HSPB8: variants seen among roughly 807,000 people sequenced by gnomAD.
The protein encoded by HSPB8 is heat shock protein beta-8.
In HSPB8, 9 loss-of-function variants were observed where a neutral mutation model predicts 16.5. The observed-to-expected ratio is 0.55, with a 90% confidence interval of 0.33 to 0.95. HSPB8 has a LOEUF of 0.95. HSPB8 is among the 40% of genes least tolerant of loss of function. HSPB8 has a pLI of 0.03. For synonymous variants in HSPB8, 99 were observed against 94.8 expected, an observed-to-expected ratio of 1.04 and a Z score of -0.26; for missense variants, 238 against 251.2, an observed-to-expected ratio of 0.95 and a Z score of 0.35.
In HSPB8 at chr12:119,187,060, G is replaced by A. The variant is rs917644809; in HGVS notation, c.403G>A (p.Val135Ile). The A allele has an allele frequency of 1.9e-6, 3 of 1,614,092 alleles. No individual in the cohort carries two copies. Among genetic ancestry groups the A allele is most frequent in the East Asian group, 2.2e-5 (1 of 44,880 alleles). ...HEEKQQEGGI[V>I]SKNFTKKIQL... ...AGAGAAACAGCAAGAAGGTGGCATT[G>A]TTTCTAAGAACTTCACAAAGAAAAT... The change falls in exon 2 of 3, where the codon GTT becomes ATT. Residue 135 changes from valine (V) to isoleucine (I), a missense_variant. Physicochemically the swap from Val to Ile is conservative, Grantham distance 29. Transcript: ENST00000281938.
intron 2 of HSPB8, among the ~76,000 whole-genome samples, chr12:119,192,163 C>T (rs1228831831): frequency 6.6e-6 from 1 of 152,186 alleles, no homozygotes; most frequent in African/African-American, 2.4e-5. Context: ...ATCCAAAAAT[C>T]ATAAAAATAC....
intron 1 of HSPB8, chr12:119,186,678 G>A (rs1420232343): frequency 9.0e-6 from 3 of 334,158 alleles, no homozygotes; most frequent in East Asian, 7.2e-5. Context: ...TAGAGAAGAG[G>A]AGTCAGGTGG....
intron 1 of HSPB8, among the ~76,000 whole-genome samples, chr12:119,184,516 C>T (rs1373904452): frequency 6.6e-6 from 1 of 152,188 alleles, no homozygotes; most frequent in Admixed American, 6.5e-5. Flanking sequence ...AGACAGTGCT[C>T]TTCTGGGCAC....
chr12:119,187,056 C>T lies in HSPB8; in HGVS notation c.399C>T (p.Gly133=), dbSNP rs1269832943. The change falls in exon 2 of 3, where the codon GGC becomes GGT. Residue 133 remains glycine (G), a synonymous_variant. Transcript: ENST00000281938. The stretch of plus-strand genomic sequence containing the variant: ...ATGAAGAGAAACAGCAAGAAGGTGG[C>T]ATTGTTTCTAAGAACTTCACAAAGA... ...GKHEEKQQEG[G]IVSKNFTKKI... is the part of the protein sequence containing the mutation. 3 of 1,613,972 alleles carry T rather than the reference C, an allele frequency of 1.9e-6. No homozygotes were observed. The highest frequency in any genetic ancestry group is 2.2e-5 in the East Asian group (1 of 44,894).
At chr12:119,191,172 G>T (rs1954709785) in intron 2 of HSPB8, among the ~76,000 whole-genome samples, 1 of 152,186 alleles carries the variant, frequency 6.6e-6, no homozygotes, top group South Asian at 2.1e-4. Flanking sequence ...TCCACCCTAA[G>T]AGGTGGGTAC....
chr12:119,193,117 G>A (rs368920969), intron 2 of HSPB8, among the ~76,000 whole-genome samples: 5 of 152,162 alleles, frequency 3.3e-5, no homozygotes, highest in African/African-American at 7.2e-5. Flanking sequence ...GAATACCATC[G>A]AGTATGTTGC....
At position 119,179,459 on chromosome 12, in the gene HSPB8, C is replaced by G. The variant is rs371236491; in HGVS notation, c.147C>G (p.Pro49=). Residue 49 remains proline, a synonymous_variant, in exon 1 of 3, where the codon CCC becomes CCG. Transcript: ENST00000281938. ...CAGACGACTTGACAGCCTCTTGGCC[C>G]GACTGGGCTCTGCCTCGTCTCTCCT... ...PFPDDLTASW[P]DWALPRLSSA... is the part of the protein sequence containing the mutation. 1.9e-6 allele frequency: 3 copies of G among 1,614,056 alleles called. No homozygotes were observed. In the East Asian group the frequency reaches 6.7e-5, roughly 36 times the overall value.
intron 1 of HSPB8, among the ~76,000 whole-genome samples, chr12:119,184,119 C>G (rs1005552909): frequency 2.0e-5 from 3 of 152,188 alleles, no homozygotes; most frequent in African/African-American, 7.2e-5. Context: ...ATTCCAGAAC[C>G]TGTCTGCCTG....
chr12:119,181,291 G>A (rs939465880), intron 1 of HSPB8, among the ~76,000 whole-genome samples: 3 of 152,144 alleles, frequency 2.0e-5, no homozygotes, highest in African/African-American at 7.2e-5. Flanking sequence ...ATTTTAGAGA[G>A]ACATGAGACA....
chr12:119,188,164 T>A (rs1032538653), intron 2 of HSPB8, among the ~76,000 whole-genome samples: 1 of 151,862 alleles, frequency 6.6e-6, no homozygotes, highest in Non-Finnish European at 1.5e-5. Context: ...AGGTGCTTCA[T>A]ACATACCTTC....
intron 1 of HSPB8, among the ~76,000 whole-genome samples, chr12:119,184,145 A>C (rs927631607): frequency 6.6e-6 from 1 of 152,178 alleles, no homozygotes; most frequent in Non-Finnish European, 1.5e-5. Context: ...GAATCTTTGC[A>C]CCAGTCACTT....
intron 2 of HSPB8, among the ~76,000 whole-genome samples, chr12:119,189,656 T>C (rs1423061499): frequency 1.3e-5 from 2 of 152,126 alleles, no homozygotes; most frequent in Non-Finnish European, 2.9e-5. Context: ...CCACTGCTGA[T>C]CTGACAGGAG....
chr12:119,179,194 A>T lies in HSPB8; in HGVS notation c.-119A>T. 1 of 1,057,898 alleles carries T rather than the reference A, an allele frequency of 9.5e-7. No homozygotes were observed. Among genetic ancestry groups the T allele is most frequent in the Non-Finnish European group, 1.4e-6 (1 of 699,498 alleles). 65.5% of individuals were successfully genotyped at this position (1,057,898 alleles called of 1,614,324 possible). The stretch of plus-strand genomic sequence containing the variant: ...TTGGTTCTGCTTCTCCCTGCAGAAA[A>T]GCAGCATTTTCGGAAGCTGAAGAAT... On this transcript the variant is annotated 5_prime_UTR_variant, in exon 1 of 3. The change creates a new upstream start codon in the 5' untranslated region. Coordinates refer to ENST00000281938, the MANE Select transcript of HSPB8 (RefSeq NM_014365.3).
At chr12:119,186,382 A>C (rs1398293864) in intron 1 of HSPB8, among the ~76,000 whole-genome samples, 1 of 152,202 alleles carries the variant, frequency 6.6e-6, no homozygotes. Context: ...GAACAGACAG[A>C]AATTCAAGAG....
chr12:119,192,689 T>C (rs934853462), intron 2 of HSPB8, among the ~76,000 whole-genome samples: 1 of 151,976 alleles, frequency 6.6e-6, no homozygotes, highest in Non-Finnish European at 1.5e-5. Context: ...ATAATAATGA[T>C]CTGCTAAGTG....
chr12:119,185,135 T>A (rs193248667), intron 1 of HSPB8, among the ~76,000 whole-genome samples: 116 of 151,926 alleles, frequency 7.6e-4, no homozygotes, highest in South Asian at 1.5e-3. Context: ...CTTTTTTTTT[T>A]AATTTTTTCT....
At chr12:119,182,358 G>C (rs1954644114) in intron 1 of HSPB8, among the ~76,000 whole-genome samples, 1 of 152,182 alleles carries the variant, frequency 6.6e-6, no homozygotes, top group African/African-American at 2.4e-5. Context: ...CAACTTTCGG[G>C]CCGGGTGCGG....
In HSPB8 at chr12:119,193,882, G is replaced by C. The variant is rs750032663; in HGVS notation, c.*24G>C. On this transcript the variant is annotated 3_prime_UTR_variant, in exon 3 of 3. Transcript: ENST00000281938. ...GAGATGCCAGTACTGGCCCATCCTTGTTTTGTCCCCAACCCTAGGGCTTCT... is the reference window on the plus strand; with the variant it reads ...GAGATGCCAGTACTGGCCCATCCTTCTTTTGTCCCCAACCCTAGGGCTTCT... 1 of 1,613,292 alleles carries C rather than the reference G, an allele frequency of 6.2e-7. No individual in the cohort carries two copies. The highest frequency in any genetic ancestry group is 1.7e-5 in the Admixed American group (1 of 60,018).
rs1363010117 is a variant in HSPB8 at position 119,179,388 on chromosome 12, C to T, written c.76C>T (p.Leu26Phe). The change falls in exon 1 of 3, where the codon CTC becomes TTC. Residue 26 changes from leucine (L) to phenylalanine (F), a missense_variant. Leu to Phe is a conservative substitution (Grantham distance 22). Transcript: ENST00000281938. The stretch of plus-strand genomic sequence containing the variant: ...CCGAGACCCCTTCCGGGACTCTCCC[C>T]TCTCCTCTCGCCTGCTGGATGATGG... Reference protein sequence around the residue: ...LRRDPFRDSPLSSRLLDDGFG... With the variant: ...LRRDPFRDSPFSSRLLDDGFG... 22 of 1,614,168 alleles carry T rather than the reference C, an allele frequency of 1.4e-5. No individual in the cohort carries two copies. Among genetic ancestry groups the T allele is most frequent in the Non-Finnish European group, 1.8e-5 (21 of 1,180,032 alleles).
Sources: allele counts gnomAD v4.1 joint callset (sites outside exome capture counted in the v4.1 genomes callset), GRCh38; gene constraint gnomAD v4.1.1; transcripts MANE v1.5; gene names NCBI Gene and HGNC (gene_info 2026-07-23, HGNC 2026-07-21).